The following WDR64 variants were observed in gnomAD, a reference collection of about 807,000 sequenced individuals.
WDR64 encodes WD repeat domain 64, also known as WD repeat-containing protein 64.
Under a neutral mutation model 139.3 loss-of-function variants are expected in WDR64, and 112 were observed. The ratio of observed to expected loss-of-function variants is 0.80; its 90% CI spans 0.69 to 0.94. WDR64 has a LOEUF of 0.94. Among genes scored for constraint, WDR64 ranks in the 40% least tolerant of loss-of-function variants. The probability of loss-of-function intolerance (pLI) is 0.00; values close to 1 mark genes in which losing one functional copy is unlikely to be tolerated. For synonymous variants in WDR64, 444 were observed against 437.7 expected (o/e 1.01, Z -0.18); for missense variants, 1,206 against 1,293.1 (o/e 0.93, Z 1.03).
chr1:241,724,144 G>C (rs978417541), intron 10 of WDR64, among the ~76,000 whole-genome samples: 3 of 152,110 alleles, frequency 2.0e-5, no homozygotes, highest in African/African-American at 7.2e-5. Context: ...CTGTGTTTAA[G>C]AACACAAATT....
chr1:241,716,004 C>T (rs1668388240), intron 9 of WDR64, among the ~76,000 whole-genome samples: 1 of 152,034 alleles, frequency 6.6e-6, no homozygotes, highest in Non-Finnish European at 1.5e-5. Flanking sequence ...GTAGTATGAC[C>T]GACAAGCAAC....
At chr1:241,733,558 T>G (rs1669176326) in intron 10 of WDR64, among the ~76,000 whole-genome samples, 1 of 151,650 alleles carries the variant, frequency 6.6e-6, no homozygotes, top group African/African-American at 2.4e-5. Flanking sequence ...TTAAAATAAT[T>G]TCAGTTTATA....
At chr1:241,735,531 C>CCCTTTTTTTTTTTTTTTTTT (rs1296893731) in intron 10 of WDR64, among the ~76,000 whole-genome samples, 2 of 96,788 alleles carry the variant, frequency 2.1e-5, no homozygotes, top group African/African-American at 8.2e-5. Context: ...CTCTCTCTCT[C>CCCTTTTTTTTTTTTTTTTTT]TCTTTTTTTT....
At chr1:241,707,166 C>T (rs1014752362) in intron 8 of WDR64, among the ~76,000 whole-genome samples, 21 of 152,158 alleles carry the variant, frequency 1.4e-4, no homozygotes, top group Admixed American at 1.1e-3. Flanking sequence ...GATGGACACT[C>T]TCACCTCTGT....
chr1:241,686,319 T>C (rs1467221940), intron 7 of WDR64, among the ~76,000 whole-genome samples: 2 of 152,204 alleles, frequency 1.3e-5, no homozygotes, highest in African/African-American at 4.8e-5. Context: ...TAAACACTGA[T>C]ATGCAAACCA....
At chr1:241,711,990 A>G in intron 9 of WDR64, 109 bp downstream of exon 9, 1 of 1,035,540 alleles carries the variant, frequency 9.7e-7, no homozygotes, top group Non-Finnish European at 1.4e-6. Flanking sequence ...ATTTGTATCA[A>G]GTCAAATCTG....
intron 23 of WDR64, among the ~76,000 whole-genome samples, chr1:241,784,903 G>A (rs1317356828): frequency 2.3e-5 from 3 of 132,940 alleles, no homozygotes; most frequent in African/African-American, 8.3e-5. Context: ...GTAGTGAGCC[G>A]AGATCACGCC....
chr1:241,718,831 G>C (rs911830599), intron 9 of WDR64, among the ~76,000 whole-genome samples: 1 of 152,128 alleles, frequency 6.6e-6, no homozygotes, highest in Non-Finnish European at 1.5e-5. Context: ...AAATGGCAGG[G>C]AGAGAGAGGG....
At chr1:241,726,513 T>C (rs2148208090) in intron 10 of WDR64, among the ~76,000 whole-genome samples, 1 of 152,214 alleles carries the variant, frequency 6.6e-6, no homozygotes, top group African/African-American at 2.4e-5. Flanking sequence ...TACACTTCAA[T>C]ATTGCAGTTG....
At chr1:241,701,290 ACACACT>A (rs148789956) in intron 8 of WDR64, among the ~76,000 whole-genome samples, 4,468 of 152,150 alleles carry the variant, frequency 0.029, 224 homozygotes, top group African/African-American at 0.1. Flanking sequence ...ACACACACAC[ACACACT>A]CACACACACA....
intron 27 of WDR64, among the ~76,000 whole-genome samples, chr1:241,796,926 A>G (rs1368644390): frequency 6.6e-6 from 1 of 152,208 alleles, no homozygotes; most frequent in African/African-American, 2.4e-5. Flanking sequence ...AAGCTTATCT[A>G]GACCTTTATG....
chr1:241,659,157 G>A (rs1665728280), intron 1 of WDR64, among the ~76,000 whole-genome samples: 1 of 152,110 alleles, frequency 6.6e-6, no homozygotes, highest in African/African-American at 2.4e-5. Context: ...AGAACATGTG[G>A]TATTTGGTTT....
Position 241,660,592 on chromosome 1 carries a change from A to C in WDR64, c.208A>C (p.Asn70His). Reference sequence around the variant, plus strand: ...GAAGCTCTTTGGTCCAGATGTGAAGAATCAAGATGTGAAACGCTTTTACAG... The same window carrying C: ...GAAGCTCTTTGGTCCAGATGTGAAGCATCAAGATGTGAAACGCTTTTACAG... The part of the protein sequence containing the change: ...VQKLFGPDVK[N>H]QDVKRFYRKL... The change falls in exon 2 of 28, where the codon AAT becomes CAT. Residue 70 changes from asparagine (N) to histidine (H), a missense_variant. Transcript: ENST00000437684. 1 of 1,551,832 alleles carries C rather than the reference A, an allele frequency of 6.4e-7. No individual in the cohort carries two copies. Among genetic ancestry groups the C allele is most frequent in the Non-Finnish European group, 8.7e-7 (1 of 1,146,914 alleles).
intron 22 of WDR64, among the ~76,000 whole-genome samples, chr1:241,781,401 A>T (rs1297454829): frequency 6.6e-6 from 1 of 152,230 alleles, no homozygotes; most frequent in Non-Finnish European, 1.5e-5. Flanking sequence ...TAAATATACA[A>T]CAGAACCATA....
intron 8 of WDR64, among the ~76,000 whole-genome samples, chr1:241,707,101 C>G (rs1246099430): frequency 6.6e-6 from 1 of 152,182 alleles, no homozygotes; most frequent in Non-Finnish European, 1.5e-5. Flanking sequence ...AACCCCTTCT[C>G]CCAGCTAGTT....
Position 241,656,839 on chromosome 1 carries a change from A to T in WDR64, c.146-3691A>T, listed in dbSNP as rs887085019. Among the ~76,000 whole-genome samples the T allele has an allele frequency of 7.9e-5, 12 of 151,770 alleles. No homozygotes were observed. Among genetic ancestry groups the T allele is most frequent in the Non-Finnish European group, 8.8e-5 (6 of 67,984 alleles). On this transcript the variant is annotated intron_variant, in intron 1 of 27. Coordinates refer to ENST00000437684, the MANE Select transcript of WDR64 (RefSeq NM_001367482.1). The surrounding 1 kb of genome is among the most constrained non-coding windows in gnomAD (Gnocchi z 4.3). ...TAGCACACCTACTCCTAGTTGTGAC[A>T]GTCAAAAATGTCTCAAGTCTTTGCC... is the stretch of plus-strand genomic sequence containing the variant.
At chr1:241,760,322 C>T (rs1670376060) in intron 15 of WDR64, among the ~76,000 whole-genome samples, 1 of 151,098 alleles carries the variant, frequency 6.6e-6, no homozygotes, top group Non-Finnish European at 1.5e-5. Context: ...AGTGCTGCAA[C>T]AAATAGCCAT....
chr1:241,655,548 C>T (rs77840319), intron 1 of WDR64, among the ~76,000 whole-genome samples: 3,012 of 152,310 alleles, frequency 0.02, 41 homozygotes, highest in Middle Eastern at 0.041. Flanking sequence ...AGGTCATTCA[C>T]AGCTTGCCTC....
intron 4 of WDR64, among the ~76,000 whole-genome samples, chr1:241,676,664 G>A (rs140670117): frequency 3.3e-5 from 5 of 151,830 alleles, no homozygotes; most frequent in Admixed American, 6.6e-5. Flanking sequence ...AGATGGGCAC[G>A]TGTATACTCA....
Sources: allele counts gnomAD v4.1 joint callset (sites outside exome capture counted in the v4.1 genomes callset), GRCh38; gene constraint gnomAD v4.1.1; non-coding constraint Gnocchi (gnomAD v3.1); transcripts MANE v1.5; gene names NCBI Gene and HGNC (gene_info 2026-07-23, HGNC 2026-07-21).